Variants in PRKCB observed in about 807,000 individuals in gnomAD.
PRKCB encodes protein kinase C beta type.
PRKCB carries 13 observed loss-of-function variants against 81.5 expected under a neutral mutation model. That is an observed-to-expected ratio of 0.16 (90% CI 0.10 to 0.25). PRKCB has a LOEUF of 0.25. PRKCB is among the 10% of genes least tolerant of loss of function. PRKCB has a pLI of 1.00. For missense variants in PRKCB, 509 were observed against 875.7 expected, an observed-to-expected ratio of 0.58 and a Z score of 5.29; for synonymous variants, 335 against 321.4, an observed-to-expected ratio of 1.04 and a Z score of -0.45.
chr16:24,178,497 TGCTTCTGA>T (rs1967570771), intron 12 of PRKCB, among the ~76,000 whole-genome samples: 1 of 152,248 alleles, frequency 6.6e-6, no homozygotes, highest in Admixed American at 6.5e-5. Context: ...CCCAGCTGCC[TGCTTCTGA>T]GCATGTGGTC....
At chr16:24,070,537 A>G (rs918399233) in intron 5 of PRKCB, among the ~76,000 whole-genome samples, 13 of 152,208 alleles carry the variant, frequency 8.5e-5, no homozygotes, top group African/African-American at 3.1e-4. Flanking sequence ...CACCTAATAG[A>G]ACAGAATAAT....
intron 2 of PRKCB, among the ~76,000 whole-genome samples, chr16:23,855,347 A>G (rs1962547017): frequency 6.6e-6 from 1 of 152,078 alleles, no homozygotes; most frequent in South Asian, 2.1e-4. Context: ...TTTAATCTTC[A>G]GTTTCTTTGT....
intron 3 of PRKCB, among the ~76,000 whole-genome samples, chr16:24,019,335 C>A (rs1296517921): frequency 1.3e-5 from 2 of 151,938 alleles, no homozygotes; most frequent in Non-Finnish European, 2.9e-5. Flanking sequence ...CATAGTGAGA[C>A]CTTGTCTCTG....
intron 2 of PRKCB, among the ~76,000 whole-genome samples, chr16:23,910,647 T>A (rs1354928246): frequency 6.6e-6 from 1 of 150,806 alleles, no homozygotes; most frequent in Admixed American, 6.6e-5. Context: ...TTAAAAATAA[T>A]GTTTTAATTG....
intron 3 of PRKCB, among the ~76,000 whole-genome samples, chr16:23,998,661 A>T (rs1964991277): frequency 6.6e-6 from 1 of 152,246 alleles, no homozygotes; most frequent in South Asian, 2.1e-4. Flanking sequence ...ATACATAGAT[A>T]TCTGTAAAAG....
Position 24,219,058 on chromosome 16 carries a change from G to C in PRKCB, c.*4242G>C, listed in dbSNP as rs1188959762. 1.0e-6 allele frequency: 1 copy of C among 985,340 alleles called. No homozygotes were observed. Among genetic ancestry groups the C allele is most frequent in the African/African-American group, 1.7e-5 (1 of 57,214 alleles). The allele number at this position is 985,340 out of a possible 1,614,324, so 61.0% of individuals were successfully genotyped here. On this transcript the variant is annotated 3_prime_UTR_variant, in exon 17 of 17. Transcript: ENST00000643927. ...TGGTGATGATGAGGAAAGACAAGAGGCTTGCAAGGACCCTGAAGAGGTCGG... is the reference window on the plus strand; with the variant it reads ...TGGTGATGATGAGGAAAGACAAGAGCCTTGCAAGGACCCTGAAGAGGTCGG...
At chr16:24,135,716 C>T (rs1006023138) in intron 9 of PRKCB, among the ~76,000 whole-genome samples, 13 of 152,140 alleles carry the variant, frequency 8.5e-5, no homozygotes, top group African/African-American at 3.1e-4. Context: ...GAACAAAGGC[C>T]TTCTCTAAAG....
chr16:24,130,852 A>C (rs1018674484), intron 9 of PRKCB, among the ~76,000 whole-genome samples: 1 of 152,184 alleles, frequency 6.6e-6, no homozygotes, highest in Non-Finnish European at 1.5e-5. Context: ...GCCACACTTC[A>C]GTGCAAAGGA....
At chr16:24,128,801 G>A (rs1265623580) in intron 9 of PRKCB, among the ~76,000 whole-genome samples, 3 of 152,114 alleles carry the variant, frequency 2.0e-5, no homozygotes, top group African/African-American at 7.2e-5. Flanking sequence ...CCCAATAGGT[G>A]GTTTTTCATT....
chr16:23,848,018 G>A (rs1026053920), intron 2 of PRKCB, among the ~76,000 whole-genome samples: 1 of 152,204 alleles, frequency 6.6e-6, no homozygotes. Flanking sequence ...TTGACAAGGG[G>A]ATGAGGGCAG....
intron 9 of PRKCB, among the ~76,000 whole-genome samples, chr16:24,130,530 T>C (rs952584242): frequency 2.6e-5 from 4 of 152,166 alleles, no homozygotes; most frequent in African/African-American, 4.8e-5. Flanking sequence ...TTTATTAGGG[T>C]AGATTCATCT....
chr16:24,214,313 T>G (rs1384534694), intron 16 of PRKCB, among the ~76,000 whole-genome samples: 1 of 152,028 alleles, frequency 6.6e-6, no homozygotes, highest in Non-Finnish European at 1.5e-5. Context: ...ACAGATGAGC[T>G]TGGCTGACTT....
At chr16:23,980,136 G>A (rs1356812414) in intron 2 of PRKCB, among the ~76,000 whole-genome samples, 1 of 152,218 alleles carries the variant, frequency 6.6e-6, no homozygotes, top group Non-Finnish European at 1.5e-5. Flanking sequence ...ACTGTGATGA[G>A]GCTCAGGTTA....
chr16:24,093,838 T>C (rs1966406437), intron 6 of PRKCB, among the ~76,000 whole-genome samples: 1 of 152,192 alleles, frequency 6.6e-6, no homozygotes, highest in Non-Finnish European at 1.5e-5. Flanking sequence ...ACACACCCAA[T>C]TATGCAATTG....
At chr16:24,089,787 T>C (rs1420043230) in intron 5 of PRKCB, among the ~76,000 whole-genome samples, 1 of 145,276 alleles carries the variant, frequency 6.9e-6, no homozygotes, top group East Asian at 1.9e-4. Context: ...TCTCTCTCTC[T>C]CTCACACACA....
chr16:23,986,800 C>T (rs1964809569), intron 2 of PRKCB, among the ~76,000 whole-genome samples: 1 of 152,102 alleles, frequency 6.6e-6, no homozygotes, highest in Non-Finnish European at 1.5e-5. Context: ...TAGTATAATG[C>T]ATCCTTGTGT....
At chr16:24,108,768 G>A (rs56333429) in intron 7 of PRKCB, among the ~76,000 whole-genome samples, 5 of 146,280 alleles carry the variant, frequency 3.4e-5, no homozygotes, top group East Asian at 4.1e-4. Flanking sequence ...ACACAGACAC[G>A]GCAACCATCC....
At chr16:24,117,876 A>T (rs550722069) in intron 8 of PRKCB, among the ~76,000 whole-genome samples, 1 of 152,334 alleles carries the variant, frequency 6.6e-6, no homozygotes, top group South Asian at 2.1e-4. Flanking sequence ...CAGGAAGCTG[A>T]GGGGTTATCC....
intron 4 of PRKCB, 143 bp downstream of exon 4, chr16:24,032,390 T>A: frequency 1.7e-6 from 1 of 579,476 alleles, no homozygotes; most frequent in East Asian, 3.0e-5. Flanking sequence ...TGTTGCTGCA[T>A]AATGATCCTC....
Sources: allele counts gnomAD v4.1 joint callset (sites outside exome capture counted in the v4.1 genomes callset), GRCh38; gene constraint gnomAD v4.1.1; transcripts MANE v1.5; gene names NCBI Gene and HGNC (gene_info 2026-07-23, HGNC 2026-07-21).